The following ARHGAP19 variants were observed in gnomAD, a reference collection of about 807,000 sequenced individuals.
ARHGAP19 encodes Rho GTPase activating protein 19, also known as rho GTPase-activating protein 19.
ARHGAP19 carries 48 observed loss-of-function variants against 60.9 expected under a neutral mutation model. The ratio of observed to expected loss-of-function variants is 0.79; its 90% CI spans 0.62 to 1.00. The LOEUF (loss-of-function observed/expected upper bound fraction) is 1.00, where lower values mean the gene tolerates loss of function less well. Among genes scored for constraint, ARHGAP19 ranks in the 50% least tolerant of loss-of-function variants. The probability of loss-of-function intolerance (pLI) is 0.00; values close to 1 mark genes in which losing one functional copy is unlikely to be tolerated. For synonymous variants in ARHGAP19, 209 were observed against 215.5 expected (o/e 0.97, Z 0.27); for missense variants, 562 against 597.2 (o/e 0.94, Z 0.61).
intron 6 of ARHGAP19, among the ~76,000 whole-genome samples, chr10:97,254,667 G>C (rs895400243): frequency 6.6e-6 from 1 of 152,128 alleles, no homozygotes; most frequent in Non-Finnish European, 1.5e-5. Context: ...CAGGCAACAA[G>C]AGAAAAAATT....
At chr10:97,236,534 C>T (rs562603737) in intron 8 of ARHGAP19, among the ~76,000 whole-genome samples, 2 of 152,190 alleles carry the variant, frequency 1.3e-5, no homozygotes, top group East Asian at 3.9e-4. Flanking sequence ...AAGGTAAATT[C>T]TCTCATATCC....
rs117348056 is a variant in ARHGAP19, at chr10:97,247,596, A to G, written c.928-1259T>C. On this transcript the variant is annotated intron_variant, in intron 6 of 11. Coordinates refer to ENST00000358531, the MANE Select transcript of ARHGAP19 (RefSeq NM_032900.6). ...TGTTCTTTAATAGAGAACTGGTTGA[A>G]TCAACTTTCATACATCCATACAATA... 5.3e-3 allele frequency among the ~76,000 whole-genome samples: 810 copies of G among 152,284 alleles called. 5 individuals carry two copies. The highest frequency in any genetic ancestry group is 8.9e-3 in the Non-Finnish European group (608 of 68,032).
chr10:97,243,563 C>G (rs1328937813), intron 8 of ARHGAP19, among the ~76,000 whole-genome samples: 1 of 152,234 alleles, frequency 6.6e-6, no homozygotes, highest in Non-Finnish European at 1.5e-5. Context: ...CCACTCTACA[C>G]AGATTATCTC....
At chr10:97,235,844 T>C (rs911468874) in intron 8 of ARHGAP19, among the ~76,000 whole-genome samples, 20 of 152,164 alleles carry the variant, frequency 1.3e-4, no homozygotes, top group Non-Finnish European at 1.8e-4. Flanking sequence ...GTATCTAAAG[T>C]GGAAAACGAG....
intron 6 of ARHGAP19, among the ~76,000 whole-genome samples, chr10:97,248,127 G>A (rs894811266): frequency 5.3e-5 from 8 of 152,058 alleles, no homozygotes; most frequent in Non-Finnish European, 1.2e-4. Flanking sequence ...CATCATGCCC[G>A]GCTAATTTTT....
At chr10:97,289,056 A>G (rs951060185) in intron 1 of ARHGAP19, among the ~76,000 whole-genome samples, 1 of 149,212 alleles carries the variant, frequency 6.7e-6, no homozygotes, top group African/African-American at 2.5e-5. Flanking sequence ...TGACCTCATG[A>G]TCCACCTGCC....
intron 1 of ARHGAP19, chr10:97,270,467 G>A: frequency 1.7e-6 from 1 of 582,504 alleles, no homozygotes; most frequent in Admixed American, 3.4e-5. Flanking sequence ...AAAATATCAA[G>A]AAACATATTT....
At chr10:97,271,964 T>C (rs1468862994) in intron 1 of ARHGAP19, among the ~76,000 whole-genome samples, 1 of 151,978 alleles carries the variant, frequency 6.6e-6, no homozygotes, top group African/African-American at 2.4e-5. Context: ...AACTCAACTT[T>C]GTTATGATGT....
At chr10:97,274,188 G>A (rs1302390376) in intron 1 of ARHGAP19, among the ~76,000 whole-genome samples, 4 of 152,114 alleles carry the variant, frequency 2.6e-5, no homozygotes, top group South Asian at 2.1e-4. Flanking sequence ...TCCTGAGGCC[G>A]GGCGCGGTGG....
At chr10:97,244,595 A>G (rs566349794) in intron 7 of ARHGAP19, among the ~76,000 whole-genome samples, 106 of 152,320 alleles carry the variant, frequency 7.0e-4, no homozygotes, top group African/African-American at 2.3e-3. Flanking sequence ...AAGGGCTCTG[A>G]CTCTTGGCTA....
intron 6 of ARHGAP19, among the ~76,000 whole-genome samples, chr10:97,251,343 G>T (rs1295695162): frequency 1.8e-5 from 1 of 55,042 alleles, no homozygotes; most frequent in African/African-American, 8.7e-5. Context: ...GGAAAGGAAG[G>T]GGGAGGGAAA....
At chr10:97,240,126 GGAAA>G in intron 8 of ARHGAP19, among the ~76,000 whole-genome samples, 1 of 145,570 alleles carries the variant, frequency 6.9e-6, no homozygotes, top group African/African-American at 2.5e-5. Context: ...GTTTTAAGGG[GGAAA>G]AAAAAAAGAA....
rs774523754 is a variant in ARHGAP19 at position 97,234,681 on chromosome 10, A to G, written c.1284+536T>C. Among the ~76,000 whole-genome samples the G allele has an allele frequency of 7.5e-4, 115 of 152,374 alleles. 1 individual carries two copies. The Middle Eastern group carries it at 0.014, about 18-fold the overall frequency. On this transcript the variant is annotated intron_variant, in intron 9 of 11. Coordinates refer to ENST00000358531, the MANE Select transcript of ARHGAP19 (RefSeq NM_032900.6). Reference sequence around the variant, plus strand: ...CAAACATGGTGATAGCAGCAATAACATAGAAGCATATTTTGTATTTGTTTT... The same window carrying G: ...CAAACATGGTGATAGCAGCAATAACGTAGAAGCATATTTTGTATTTGTTTT...
rs747510381 is a variant in ARHGAP19, at chr10:97,226,120, C to T, written c.*2G>A. 1 of 1,613,934 alleles carries T rather than the reference C, an allele frequency of 6.2e-7. No homozygotes were observed. Among genetic ancestry groups the T allele is most frequent in the South Asian group, 1.1e-5 (1 of 91,066 alleles). The stretch of plus-strand genomic sequence containing the variant: ...GGACCATAGGAGACAACTCTGGATC[C>T]TTCAGAGAAATCCTAGGTTGAAGGA... On this transcript the variant is annotated 3_prime_UTR_variant, in exon 12 of 12. Transcript: ENST00000358531.
intron 8 of ARHGAP19, among the ~76,000 whole-genome samples, chr10:97,237,219 CA>C (rs1842394430): frequency 2.2e-4 from 1 of 4,588 alleles, no homozygotes; most frequent in Non-Finnish European, 6.1e-3. Flanking sequence ...GAGCTGAGAT[CA>C]ATCACGTCAT....
chr10:97,263,522 AT>A lies in ARHGAP19; in HGVS notation c.510del (p.Glu170AspfsTer11). 1 of 1,614,126 alleles carries A rather than the reference AT, an allele frequency of 6.2e-7. No homozygotes were observed. Among genetic ancestry groups the A allele is most frequent in the Non-Finnish European group, 8.5e-7 (1 of 1,180,024 alleles). ...NGTDIDLESG[E>X]FHSNDVATLL... ...AAAGTGGCAACATCATTTGAGTGAA[AT>A]TCCCCTGATTCCAAGTCAATGTCAG... On this transcript the variant is annotated frameshift_variant, in exon 4 of 12. Coordinates refer to ENST00000358531, the MANE Select transcript of ARHGAP19 (RefSeq NM_032900.6). LOFTEE classifies it high-confidence loss of function.
chr10:97,279,147 G>A (rs1335661682), intron 1 of ARHGAP19, among the ~76,000 whole-genome samples: 1 of 152,074 alleles, frequency 6.6e-6, no homozygotes, highest in Non-Finnish European at 1.5e-5. Context: ...CTCTTTCTAT[G>A]TATCAAATTT....
At chr10:97,261,114 G>A (rs1417244649) in intron 4 of ARHGAP19, among the ~76,000 whole-genome samples, 1 of 152,084 alleles carries the variant, frequency 6.6e-6, no homozygotes, top group East Asian at 1.9e-4. Context: ...AGAATTATTG[G>A]TTCTTCCCTA....
At chr10:97,226,272 C>T in intron 11 of ARHGAP19, 140 bp from the exon 12 acceptor site, 1 of 804,482 alleles carries the variant, frequency 1.2e-6, no homozygotes, top group East Asian at 2.7e-5. Flanking sequence ...GAATGTGTGA[C>T]TCTACCAAAT....
Sources: allele counts gnomAD v4.1 joint callset (sites outside exome capture counted in the v4.1 genomes callset), GRCh38; gene constraint gnomAD v4.1.1; transcripts MANE v1.5; gene names NCBI Gene and HGNC (gene_info 2026-07-23, HGNC 2026-07-21).